Variants in SHC4 observed in about 807,000 individuals in gnomAD.
SHC4 encodes SHC adaptor protein 4.
Under a neutral mutation model 69.4 loss-of-function variants are expected in SHC4, and 41 were observed. That is an observed-to-expected ratio of 0.59 (90% CI 0.46 to 0.77). The LOEUF (loss-of-function observed/expected upper bound fraction) is 0.77, where lower values mean the gene tolerates loss of function less well. Among genes scored for constraint, SHC4 ranks in the 30% least tolerant of loss-of-function variants. SHC4 has a pLI of 0.00. For synonymous variants in SHC4, 318 were observed against 299.3 expected (o/e 1.06, Z -0.64); for missense variants, 777 against 783.8 (o/e 0.99, Z 0.10).
chr15:48,884,253 G>T lies in SHC4; in HGVS notation c.835C>A (p.Gln279Lys), dbSNP rs1299557855. The change falls in exon 4 of 12, where the codon CAA (glutamine) becomes AAA (lysine). Residue 279 changes from glutamine to lysine, a missense_variant. By Grantham distance (53) the Gln-to-Lys change is moderately conservative (BLOSUM62 1). Transcript: ENST00000332408. ...AATGACATTTGTGATCTTACCTGTT[G>T]GTTGTCAAGATTCATCAATGTGAGA... ...CSLTLMNLDNQQIIANHHMQS... is the reference protein window; with the variant it reads ...CSLTLMNLDNKQIIANHHMQS... 6.3e-7 allele frequency: 1 copy of T among 1,595,476 alleles called. No homozygotes were observed. Among genetic ancestry groups the T allele is most frequent in the Non-Finnish European group, 8.5e-7 (1 of 1,174,326 alleles).
intron 2 of SHC4, among the ~76,000 whole-genome samples, chr15:48,891,933 C>T (rs898302483): frequency 1.3e-5 from 2 of 152,170 alleles, no homozygotes; most frequent in Non-Finnish European, 2.9e-5. Context: ...CAGCTCACTG[C>T]AAGCTCCGCT....
intron 6 of SHC4, 62 bp downstream of exon 6, chr15:48,867,756 G>T (rs2140990794): frequency 1.5e-6 from 2 of 1,337,454 alleles, no homozygotes; most frequent in African/African-American, 1.4e-5. Flanking sequence ...AATAACTGTT[G>T]GTTACTTTTT....
intron 3 of SHC4, 72 bp downstream of exon 3, chr15:48,890,676 C>T (rs367741948): frequency 2.3e-5 from 37 of 1,574,850 alleles, no homozygotes; most frequent in Non-Finnish European, 3.1e-5. Flanking sequence ...GTGGGATGAA[C>T]GAACAGCGAT....
chr15:48,950,332 C>G (rs1253677215), intron 1 of SHC4, among the ~76,000 whole-genome samples: 3 of 151,074 alleles, frequency 2.0e-5, no homozygotes, highest in African/African-American at 7.3e-5. Context: ...GGGACCATCT[C>G]AGAGGCCATC....
chr15:48,838,351 C>G (rs956535883), intron 10 of SHC4, among the ~76,000 whole-genome samples: 3 of 152,092 alleles, frequency 2.0e-5, no homozygotes, highest in Non-Finnish European at 4.4e-5. Flanking sequence ...TTTGGAGTTA[C>G]AACTAAATTT....
intron 1 of SHC4, among the ~76,000 whole-genome samples, chr15:48,961,202 A>G (rs956668460): frequency 2.0e-5 from 3 of 152,174 alleles, no homozygotes; most frequent in African/African-American, 4.8e-5. Context: ...TCCATGTCAA[A>G]TAAATCAACC....
chr15:48,826,243 AG>A, intron 11 of SHC4, 117 bp from the exon 12 acceptor site: 1 of 1,064,176 alleles, frequency 9.4e-7, no homozygotes, highest in Non-Finnish European at 1.3e-6. Flanking sequence ...TGCTGAAAAA[AG>A]AAAAGGTACT....
chr15:48,835,226 T>C (rs763617765), intron 10 of SHC4, among the ~76,000 whole-genome samples: 6 of 152,230 alleles, frequency 3.9e-5, no homozygotes, highest in Admixed American at 6.5e-5. Flanking sequence ...ACATTGCCTT[T>C]GGCTTCTGTT....
chr15:48,925,054 A>G (rs1900827755), intron 1 of SHC4, 105 bp from the exon 2 acceptor site: 3 of 1,138,508 alleles, frequency 2.6e-6, no homozygotes, highest in Non-Finnish European at 3.9e-6. Flanking sequence ...AGCTTCTGCT[A>G]TCAAGTTACA....
At chr15:48,911,102 T>TAA (rs147805421) in intron 2 of SHC4, among the ~76,000 whole-genome samples, 6,319 of 152,202 alleles carry the variant, frequency 0.042, 277 homozygotes, top group East Asian at 0.22. Context: ...AGATATAGTT[T>TAA]ATCCATTGTT....
At chr15:48,841,660 G>A (rs550195307) in intron 10 of SHC4, among the ~76,000 whole-genome samples, 11 of 152,302 alleles carry the variant, frequency 7.2e-5, no homozygotes, top group African/African-American at 2.6e-4. Flanking sequence ...GGCTTTGTCA[G>A]GCCTGTGTTG....
intron 1 of SHC4, among the ~76,000 whole-genome samples, chr15:48,951,500 C>A (rs1901364130): frequency 6.6e-6 from 1 of 152,118 alleles, no homozygotes; most frequent in Non-Finnish European, 1.5e-5. Flanking sequence ...AATCCAGTGG[C>A]TTTCTGGTGA....
chr15:48,896,159 A>C (rs181476027), intron 2 of SHC4, among the ~76,000 whole-genome samples: 2 of 151,906 alleles, frequency 1.3e-5, no homozygotes, highest in Admixed American at 1.3e-4. Flanking sequence ...CCAGTAAAAG[A>C]CCTATTTGTA....
intron 1 of SHC4, among the ~76,000 whole-genome samples, chr15:48,928,091 G>A (rs1280507907): frequency 1.3e-5 from 2 of 152,190 alleles, no homozygotes; most frequent in African/African-American, 2.4e-5. Flanking sequence ...AGGGACGGAG[G>A]GAGGTGAAGG....
intron 1 of SHC4, among the ~76,000 whole-genome samples, chr15:48,927,720 G>A (rs1223295271): frequency 6.6e-6 from 1 of 152,034 alleles, no homozygotes; most frequent in African/African-American, 2.4e-5. Context: ...GCTCTTCCCT[G>A]CACTTGACAT....
intron 2 of SHC4, among the ~76,000 whole-genome samples, chr15:48,898,079 G>A (rs1371447113): frequency 1.3e-5 from 2 of 152,098 alleles, no homozygotes; most frequent in African/African-American, 4.8e-5. Context: ...ACATCCATGT[G>A]GTATCATGCT....
At chr15:48,878,069 C>A (rs1282652179) in intron 4 of SHC4, 2 of 1,425,026 alleles carry the variant, frequency 1.4e-6, no homozygotes, top group African/African-American at 1.4e-5. Flanking sequence ...ACCACGCCTG[C>A]GCGCGGGGTT....
At chr15:48,936,719 C>A (rs575183728) in intron 1 of SHC4, among the ~76,000 whole-genome samples, 8 of 152,284 alleles carry the variant, frequency 5.3e-5, no homozygotes, top group African/African-American at 1.9e-4. Flanking sequence ...TGAGAACAGA[C>A]TAATACACTG....
chr15:48,902,765 G>A (rs1253657345), intron 2 of SHC4, among the ~76,000 whole-genome samples: 1 of 152,160 alleles, frequency 6.6e-6, no homozygotes, highest in East Asian at 1.9e-4. Flanking sequence ...TGCCCATGGA[G>A]TCTGCTGTGA....
Sources: gnomAD v4.1 joint callset for allele counts (sites outside exome capture counted in the v4.1 genomes callset) on GRCh38, gnomAD v4.1.1 for gene constraint, MANE v1.5 for transcripts, NCBI Gene and HGNC (gene_info 2026-07-23, HGNC 2026-07-21) for gene names.